The following FSTL4 variants were observed in gnomAD, a reference collection of about 807,000 sequenced individuals.
FSTL4 encodes the protein follistatin-related protein 4.
A neutral mutation model predicts 78.2 loss-of-function variants in FSTL4; 28 were observed. That is an observed-to-expected ratio of 0.36 (90% CI 0.27 to 0.49). The LOEUF (loss-of-function observed/expected upper bound fraction) is 0.49. Ranked by LOEUF, FSTL4 falls within the 20% of genes least tolerant of loss-of-function variation. FSTL4 has a pLI of 0.98. For missense variants in FSTL4, 922 were observed against 1,084.9 expected (o/e 0.85, Z 2.11); for synonymous variants, 422 against 440.5 (o/e 0.96, Z 0.53).
At chr5:133,564,291 T>C (rs1262477922) in intron 3 of FSTL4, among the ~76,000 whole-genome samples, 1 of 152,160 alleles carries the variant, frequency 6.6e-6, no homozygotes, top group Non-Finnish European at 1.5e-5. Flanking sequence ...TGACATGTCT[T>C]TTTGGGGAAC....
At chr5:133,204,152 A>G (rs1317391458) in intron 14 of FSTL4, among the ~76,000 whole-genome samples, 1 of 152,168 alleles carries the variant, frequency 6.6e-6, no homozygotes, top group Non-Finnish European at 1.5e-5. Context: ...GAGGGGTGGG[A>G]GAGAACATGG....
chr5:133,432,064 G>A (rs1756951750), intron 3 of FSTL4, among the ~76,000 whole-genome samples: 1 of 152,176 alleles, frequency 6.6e-6, no homozygotes, highest in Non-Finnish European at 1.5e-5. Context: ...CAGTAAGACA[G>A]AGGGTGTAAG....
intron 3 of FSTL4, among the ~76,000 whole-genome samples, chr5:133,412,882 C>T (rs1265668458): frequency 6.6e-6 from 1 of 152,136 alleles, no homozygotes; most frequent in Non-Finnish European, 1.5e-5. Context: ...TAGTTACACC[C>T]ATGTCTGCAT....
At chr5:133,348,384 A>C (rs1251302882) in intron 4 of FSTL4, among the ~76,000 whole-genome samples, 1 of 152,222 alleles carries the variant, frequency 6.6e-6, no homozygotes, top group Non-Finnish European at 1.5e-5. Flanking sequence ...TGAGAGATCA[A>C]GTCACTTGTC....
At chr5:133,413,484 T>G (rs1196529555) in intron 3 of FSTL4, among the ~76,000 whole-genome samples, 3 of 152,212 alleles carry the variant, frequency 2.0e-5, no homozygotes, top group Non-Finnish European at 4.4e-5. Context: ...TCTCTGGTTT[T>G]CTGCAATTTC....
At chr5:133,387,316 CTT>C (rs1178056839) in intron 4 of FSTL4, among the ~76,000 whole-genome samples, 2 of 152,218 alleles carry the variant, frequency 1.3e-5, no homozygotes, top group Admixed American at 1.3e-4. Context: ...TCTGGCTTCT[CTT>C]TGCCTCTCAG....
the FSTL4 span, among the ~76,000 whole-genome samples, chr5:133,838,359 C>A: frequency 2.6e-5 from 4 of 152,232 alleles, no homozygotes; most frequent in Non-Finnish European, 5.9e-5. Context: ...CAAAGTCAAT[C>A]ATTTATTATC....
chr5:133,491,822 T>G (rs969256183), intron 3 of FSTL4, among the ~76,000 whole-genome samples: 3 of 152,244 alleles, frequency 2.0e-5, no homozygotes, highest in African/African-American at 7.2e-5. Flanking sequence ...AAAAATTCAA[T>G]CTGAAAATTG....
the FSTL4 span, among the ~76,000 whole-genome samples, chr5:133,620,599 A>AAT: frequency 6.6e-5 from 10 of 152,162 alleles, no homozygotes; most frequent in African/African-American, 2.2e-4. Context: ...CACAAATCAA[A>AAT]ATATATGACT....
chr5:133,206,929 AT>A (rs1348388193), intron 14 of FSTL4, among the ~76,000 whole-genome samples: 3 of 23,898 alleles, frequency 1.3e-4, no homozygotes, highest in Admixed American at 6.1e-4. Flanking sequence ...ATATGAAATA[AT>A]TAATAGTCTC....
At chr5:133,569,840 C>T (rs1760110797) in intron 2 of FSTL4, among the ~76,000 whole-genome samples, 2 of 152,030 alleles carry the variant, frequency 1.3e-5, no homozygotes, top group South Asian at 4.2e-4. Flanking sequence ...ATATGTTTTA[C>T]ATTTATTGGT....
chr5:133,416,113 G>A (rs775386177), intron 3 of FSTL4, among the ~76,000 whole-genome samples: 27 of 152,210 alleles, frequency 1.8e-4, no homozygotes, highest in South Asian at 8.3e-4. Flanking sequence ...AAGGGGCAGG[G>A]AAAAAATAAG....
At chr5:133,793,616 C>T in the FSTL4 span, among the ~76,000 whole-genome samples, 1 of 152,366 alleles carries the variant, frequency 6.6e-6, no homozygotes, top group South Asian at 2.1e-4. Context: ...TGACCTGATT[C>T]CACACTGCGG....
the FSTL4 span, chr5:133,721,014 A>G: frequency 1.3e-5 from 2 of 152,036 alleles, no homozygotes; most frequent in East Asian, 1.9e-4. Context: ...TTTGCCTGCC[A>G]CTGGCCAGAA....
At chr5:133,453,322 T>C (rs181765165) in intron 3 of FSTL4, among the ~76,000 whole-genome samples, 268 of 152,290 alleles carry the variant, frequency 1.8e-3, no homozygotes, top group Middle Eastern at 3.4e-3. Flanking sequence ...TCATATGACA[T>C]CTGAGTGTAC....
intron 2 of FSTL4, among the ~76,000 whole-genome samples, chr5:133,571,832 T>G (rs1025546036): frequency 6.6e-6 from 1 of 152,062 alleles, no homozygotes; most frequent in Admixed American, 6.5e-5. Context: ...CAGTAAAAAT[T>G]AACCACACAG....
the FSTL4 span, among the ~76,000 whole-genome samples, chr5:133,710,516 C>T: frequency 6.6e-6 from 1 of 152,326 alleles, no homozygotes; most frequent in East Asian, 1.9e-4. Flanking sequence ...GATGCATGCA[C>T]CCATCAGAAT....
At chr5:133,597,062 T>C (rs1760753204) in intron 2 of FSTL4, among the ~76,000 whole-genome samples, 1 of 152,098 alleles carries the variant, frequency 6.6e-6, no homozygotes, top group Non-Finnish European at 1.5e-5. Context: ...CACAGTGTTC[T>C]CGGTGTCGCC....
chr5:133,279,096 T>C (rs904623127), intron 6 of FSTL4, among the ~76,000 whole-genome samples: 1 of 152,222 alleles, frequency 6.6e-6, no homozygotes, highest in African/African-American at 2.4e-5. Context: ...TCAGTTTCTA[T>C]AGAGAAGTTC....
Sources: allele counts gnomAD v4.1 joint callset (sites outside exome capture counted in the v4.1 genomes callset), GRCh38; gene constraint gnomAD v4.1.1; transcripts MANE v1.5; gene names NCBI Gene and HGNC (gene_info 2026-07-23, HGNC 2026-07-21).